Variants in MRPS6 observed in about 807,000 individuals in gnomAD.
MRPS6 encodes small ribosomal subunit protein bS6m.
A neutral mutation model predicts 13.1 loss-of-function variants in MRPS6; 6 were observed. The ratio of observed to expected loss-of-function variants is 0.46; its 90% CI spans 0.25 to 0.91. MRPS6 has a LOEUF of 0.91. MRPS6 is among the 40% of genes least tolerant of loss of function. The probability of loss-of-function intolerance (pLI) is 0.18; values close to 1 mark genes in which losing one functional copy is unlikely to be tolerated. For missense variants in MRPS6, 164 were observed against 155.6 expected, an observed-to-expected ratio of 1.05 and a Z score of -0.29; for synonymous variants, 61 against 56.5, an observed-to-expected ratio of 1.08 and a Z score of -0.36.
chr21:34,104,393 G>GC, intron 1 of MRPS6: 1 of 1,000,154 alleles, frequency 1.0e-6, no homozygotes, highest in Non-Finnish European at 1.2e-6. Flanking sequence ...CGAGTAGCTT[G>GC]TTTATCAAGA....
chr21:34,101,048 G>A (rs1979214992), intron 1 of MRPS6: 3 of 1,000,104 alleles, frequency 3.0e-6, no homozygotes, highest in Non-Finnish European at 3.6e-6. Flanking sequence ...TCCTAGGTTT[G>A]GATAGAGAGA....
At chr21:34,092,063 C>T (rs1439643103) in intron 1 of MRPS6, among the ~76,000 whole-genome samples, 1 of 151,914 alleles carries the variant, frequency 6.6e-6, no homozygotes, top group Non-Finnish European at 1.5e-5. Context: ...AATAAGGGAA[C>T]CCTGGACAGT....
chr21:34,084,141 A>G (rs1398368272), intron 1 of MRPS6, among the ~76,000 whole-genome samples: 3 of 152,180 alleles, frequency 2.0e-5, no homozygotes. Flanking sequence ...CTTGAGTGTT[A>G]TATTCTCCAA....
intron 1 of MRPS6, chr21:34,095,796 A>G: frequency 6.2e-7 from 1 of 1,614,014 alleles, no homozygotes; most frequent in South Asian, 1.1e-5. Flanking sequence ...ACTTACACTT[A>G]TGATTATTAG....
intron 2 of MRPS6, among the ~76,000 whole-genome samples, chr21:34,126,285 G>A (rs1980301987): frequency 6.6e-6 from 1 of 152,206 alleles, no homozygotes; most frequent in African/African-American, 2.4e-5. Flanking sequence ...GACAGTCTCT[G>A]CAGATGTGCT....
In MRPS6 at chr21:34,096,711, T is replaced by G. The variant is rs763240947; in HGVS notation, c.45+22966T>G. 6.2e-7 allele frequency: 1 copy of G among 1,614,086 alleles called. No individual in the cohort carries two copies. The highest frequency in any genetic ancestry group is 1.3e-5 in the African/African-American group (1 of 75,018). ...TGACCAACCTGATAATAGGCCGGGC[T>G]TCATCAAAGACATCCATTATATGTA... On this transcript the variant is annotated intron_variant, in intron 1 of 2. Coordinates refer to ENST00000399312, the MANE Select transcript of MRPS6 (RefSeq NM_032476.4). The surrounding 1 kb of genome is among the most constrained non-coding windows in gnomAD (Gnocchi z 5.9).
chr21:34,097,226 C>T (rs1416899274), intron 1 of MRPS6: 1 of 1,613,984 alleles, frequency 6.2e-7, no homozygotes, highest in Non-Finnish European at 8.5e-7. Context: ...GTCTCAGAGA[C>T]CTGATGGAAG....
intron 2 of MRPS6, among the ~76,000 whole-genome samples, chr21:34,130,151 T>C (rs62212132): frequency 0.063 from 9,385 of 149,636 alleles, 331 homozygotes; most frequent in Middle Eastern, 0.13. Context: ...CACTGAGTGC[T>C]TCAGTGGAAA....
At chr21:34,128,535 C>A (rs1288763337) in intron 2 of MRPS6, among the ~76,000 whole-genome samples, 1 of 152,102 alleles carries the variant, frequency 6.6e-6, no homozygotes, top group South Asian at 2.1e-4. Context: ...AAGACTGTTT[C>A]CAGTTTATGC....
intron 1 of MRPS6, among the ~76,000 whole-genome samples, chr21:34,107,298 G>T (rs1979519034): frequency 6.6e-6 from 1 of 152,160 alleles, no homozygotes. Context: ...GTTTGGGTTT[G>T]TCTGTTCCCT....
intron 1 of MRPS6, among the ~76,000 whole-genome samples, chr21:34,076,997 A>G (rs1989347109): frequency 6.6e-6 from 1 of 152,210 alleles, no homozygotes; most frequent in Admixed American, 6.5e-5. Flanking sequence ...AAGACCTCTG[A>G]CAATGGAAAA....
Position 34,095,456 on chromosome 21 carries a change from C to T in MRPS6, c.45+21711C>T, listed in dbSNP as rs760786850. The T allele has an allele frequency of 1.5e-5, 24 of 1,613,948 alleles. No homozygotes were observed. The East Asian group carries it at 2.5e-4, about 16-fold the overall frequency. ...CAGTGGGCGCATGGGAATTCAATGC[C>T]TTACTGCTTTTACAACTTCTGGGAT... On this transcript the variant is annotated intron_variant, in intron 1 of 2. Coordinates refer to ENST00000399312, the MANE Select transcript of MRPS6 (RefSeq NM_032476.4).
intron 1 of MRPS6, chr21:34,124,143 G>C (rs138322109): frequency 6.6e-6 from 1 of 152,158 alleles, no homozygotes; most frequent in South Asian, 2.1e-4. Context: ...TTGAGCTTAA[G>C]ATTTACATCT....
intron 1 of MRPS6, among the ~76,000 whole-genome samples, chr21:34,094,697 CATA>C (rs1329729416): frequency 7.2e-5 from 11 of 152,194 alleles, no homozygotes; most frequent in African/African-American, 2.4e-4. Flanking sequence ...CAGCTGTGAT[CATA>C]TAGATTGCTC....
intron 1 of MRPS6, among the ~76,000 whole-genome samples, chr21:34,116,435 A>G (rs1165727266): frequency 6.6e-6 from 1 of 150,728 alleles, no homozygotes; most frequent in Non-Finnish European, 1.5e-5. Flanking sequence ...AAATGGTTGT[A>G]TCGTACTTAT....
chr21:34,095,303 C>T lies in MRPS6; in HGVS notation c.45+21558C>T, dbSNP rs1417861721. On this transcript the variant is annotated intron_variant, in intron 1 of 2. Transcript: ENST00000399312. ...CCATGTGGAAATCTAATAGAAGCAC[C>T]GTGAGTGGATACTTCCTGGCGGGGC... The T allele has an allele frequency of 9.9e-6, 16 of 1,613,918 alleles. No individual in the cohort carries two copies. In the African/African-American group the frequency reaches 1.3e-4, roughly 13 times the overall value.
chr21:34,135,648 A>C (rs867928788), intron 2 of MRPS6: 7 of 380,980 alleles, frequency 1.8e-5, no homozygotes, highest in African/African-American at 1.5e-4. Flanking sequence ...GTCATCTCAC[A>C]GTCCCTGCTC....
chr21:34,141,940 A>G (rs111818465), intron 2 of MRPS6, among the ~76,000 whole-genome samples: 1,755 of 152,188 alleles, frequency 0.012, 38 homozygotes, highest in South Asian at 0.08. Flanking sequence ...ATCTTTTCCC[A>G]TGTTTGTGGG....
At chr21:34,107,812 A>G (rs190620367) in intron 1 of MRPS6, among the ~76,000 whole-genome samples, 105 of 152,218 alleles carry the variant, frequency 6.9e-4, no homozygotes, top group Non-Finnish European at 1.0e-3. Context: ...GTTTCCATCA[A>G]TTCTTGAGTG....
Sources: allele counts gnomAD v4.1 joint callset (sites outside exome capture counted in the v4.1 genomes callset), GRCh38; gene constraint gnomAD v4.1.1; non-coding constraint Gnocchi (gnomAD v3.1); transcripts MANE v1.5; gene names NCBI Gene and HGNC (gene_info 2026-07-23, HGNC 2026-07-21).